CACNA2D1: variants seen among roughly 807,000 people sequenced by gnomAD.
CACNA2D1 encodes the protein calcium voltage-gated channel auxiliary subunit alpha2delta 1.
A neutral mutation model predicts 171.5 loss-of-function variants in CACNA2D1; 53 were observed. The ratio of observed to expected loss-of-function variants is 0.31; its 90% CI spans 0.25 to 0.39. CACNA2D1 has a LOEUF of 0.39. CACNA2D1 is among the 10% of genes least tolerant of loss of function. The pLI is 1.00. For synonymous variants in CACNA2D1, 442 were observed against 443.1 expected (o/e 1.00, Z 0.03); for missense variants, 903 against 1,299.8 (o/e 0.69, Z 4.69).
At chr7:82,291,467 T>A (rs1223103527) in intron 3 of CACNA2D1, among the ~76,000 whole-genome samples, 3 of 135,110 alleles carry the variant, frequency 2.2e-5, no homozygotes, top group African/African-American at 5.4e-5. Flanking sequence ...ATTAAATATA[T>A]AATATATAAA....
At chr7:82,319,207 C>T (rs1815505467) in intron 3 of CACNA2D1, among the ~76,000 whole-genome samples, 1 of 152,056 alleles carries the variant, frequency 6.6e-6, no homozygotes, top group Non-Finnish European at 1.5e-5. Flanking sequence ...TTTAAGGTCT[C>T]ATATAAGATA....
intron 3 of CACNA2D1, among the ~76,000 whole-genome samples, chr7:82,325,477 TATA>T (rs3839791): frequency 0.16 from 23,644 of 152,072 alleles, 1,996 homozygotes; most frequent in South Asian, 0.28. Flanking sequence ...CTTTTTTAGT[TATA>T]ATAAGTACAT....
intron 3 of CACNA2D1, among the ~76,000 whole-genome samples, chr7:82,318,804 TATC>T (rs1815428054): frequency 6.6e-6 from 1 of 152,028 alleles, no homozygotes; most frequent in African/African-American, 2.4e-5. Flanking sequence ...GGCCTTATCA[TATC>T]ATGTAATAAT....
rs185333543 is a variant in CACNA2D1, at chr7:82,116,726, T to C, written c.526+318A>G. ...ATAATACAGCTGCACAGTTTTGGCT[T>C]TTGACAAATATATCTATATACTTTG... is the stretch of plus-strand genomic sequence containing the variant. On this transcript the variant is annotated intron_variant, in intron 6 of 38. Transcript: ENST00000356860. Among the ~76,000 whole-genome samples, 233 of 152,326 alleles carry C rather than the reference T, an allele frequency of 1.5e-3. 3 individuals are homozygous for C. The highest frequency in any genetic ancestry group is 0.015 in the East Asian group (77 of 5,184).
At chr7:82,401,037 G>A (rs376451502) in intron 1 of CACNA2D1, among the ~76,000 whole-genome samples, 73 of 152,046 alleles carry the variant, frequency 4.8e-4, no homozygotes, top group African/African-American at 1.2e-3. Flanking sequence ...AATGGCAATC[G>A]TTAAAAAGTC....
intron 10 of CACNA2D1, among the ~76,000 whole-genome samples, chr7:82,047,733 C>G (rs537264319): frequency 2.0e-5 from 3 of 151,858 alleles, no homozygotes; most frequent in African/African-American, 7.3e-5. Context: ...CTCAAAGAAG[C>G]GTACATTCTT....
At chr7:82,309,347 A>G (rs539304531) in intron 3 of CACNA2D1, among the ~76,000 whole-genome samples, 1 of 152,230 alleles carries the variant, frequency 6.6e-6, no homozygotes, top group African/African-American at 2.4e-5. Flanking sequence ...TGGGGGTTGC[A>G]GTGAGCCAAG....
At chr7:82,063,277 T>C (rs1196832938) in intron 9 of CACNA2D1, among the ~76,000 whole-genome samples, 1 of 152,168 alleles carries the variant, frequency 6.6e-6, no homozygotes, top group Non-Finnish European at 1.5e-5. Context: ...TGATTTATAC[T>C]TAAGAAGAAT....
intron 1 of CACNA2D1, among the ~76,000 whole-genome samples, chr7:82,434,603 T>G (rs1319512388): frequency 6.6e-6 from 1 of 152,226 alleles, no homozygotes; most frequent in Admixed American, 6.5e-5. Context: ...TTGTTCCACT[T>G]TATAAGTGAG....
At chr7:82,188,730 C>T (rs1798006287) in intron 3 of CACNA2D1, among the ~76,000 whole-genome samples, 1 of 152,064 alleles carries the variant, frequency 6.6e-6, no homozygotes, top group Non-Finnish European at 1.5e-5. Context: ...CTGTTCTTCA[C>T]AGCACTATTC....
intron 1 of CACNA2D1, among the ~76,000 whole-genome samples, chr7:82,391,254 T>G (rs1825087242): frequency 6.6e-6 from 1 of 152,170 alleles, no homozygotes; most frequent in South Asian, 2.1e-4. Flanking sequence ...TGACAACACA[T>G]TCACCACACA....
chr7:82,067,765 A>T (rs1448290697), intron 7 of CACNA2D1, among the ~76,000 whole-genome samples: 1 of 152,178 alleles, frequency 6.6e-6, no homozygotes, highest in Non-Finnish European at 1.5e-5. Context: ...TTAAGTAACA[A>T]GCATGCTGAT....
intron 25 of CACNA2D1, among the ~76,000 whole-genome samples, chr7:81,973,059 A>G (rs1795459737): frequency 6.6e-6 from 1 of 152,054 alleles, no homozygotes; most frequent in Non-Finnish European, 1.5e-5. Flanking sequence ...ATACAGATAT[A>G]AAAAAGAATG....
chr7:81,991,096 T>A (rs1797497402), intron 21 of CACNA2D1, 89 bp downstream of exon 21: 1 of 745,718 alleles, frequency 1.3e-6, no homozygotes, highest in East Asian at 2.5e-5. Context: ...ACTTTTCTAG[T>A]GAAAATCACA....
At chr7:82,056,181 T>C (rs986106679) in intron 10 of CACNA2D1, among the ~76,000 whole-genome samples, 2 of 151,958 alleles carry the variant, frequency 1.3e-5, no homozygotes, top group South Asian at 2.1e-4. Context: ...TTTAGGGTTA[T>C]TGAGGCAAAA....
At chr7:82,132,561 CCTCTA>C (rs1033242887) in intron 5 of CACNA2D1, among the ~76,000 whole-genome samples, 3 of 152,148 alleles carry the variant, frequency 2.0e-5, no homozygotes, top group Non-Finnish European at 4.4e-5. Flanking sequence ...TTGCCTCTCT[CCTCTA>C]ATCTAGAACG....
At chr7:82,255,132 T>C (rs1049671652) in intron 3 of CACNA2D1, among the ~76,000 whole-genome samples, 7 of 152,202 alleles carry the variant, frequency 4.6e-5, no homozygotes, top group Non-Finnish European at 1.0e-4. Flanking sequence ...TTTGGATTTC[T>C]CTGCTTGAAA....
At chr7:82,110,124 CT>C (rs1490496607) in intron 6 of CACNA2D1, among the ~76,000 whole-genome samples, 1 of 152,154 alleles carries the variant, frequency 6.6e-6, no homozygotes, top group Non-Finnish European at 1.5e-5. Flanking sequence ...ATGTCCACAA[CT>C]TTTTCATAAA....
chr7:82,093,345 A>G (rs1811459986), intron 6 of CACNA2D1, among the ~76,000 whole-genome samples: 1 of 152,154 alleles, frequency 6.6e-6, no homozygotes. Flanking sequence ...ATTAATCATC[A>G]TTATTTTCTC....
Sources: gnomAD v4.1 joint callset for allele counts (sites outside exome capture counted in the v4.1 genomes callset) on GRCh38, gnomAD v4.1.1 for gene constraint, MANE v1.5 for transcripts, NCBI Gene and HGNC (gene_info 2026-07-23, HGNC 2026-07-21) for gene names.